The following TMTC3 variants were observed in gnomAD, a reference collection of about 807,000 sequenced individuals.
The protein encoded by TMTC3 is protein O-mannosyl-transferase TMTC3.
TMTC3 carries 52 observed loss-of-function variants against 92.2 expected under a neutral mutation model. That is an observed-to-expected ratio of 0.56 (90% confidence interval 0.45 to 0.71). TMTC3 has a LOEUF of 0.71. Among genes scored for constraint, TMTC3 ranks in the 30% least tolerant of loss-of-function variants. TMTC3 has a pLI of 0.00. For missense variants in TMTC3, 896 were observed against 1,057.1 expected (o/e 0.85, Z 2.11); for synonymous variants, 339 against 363.3 (o/e 0.93, Z 0.76).
chr12:88,150,789 A>G (rs947783647), intron 2 of TMTC3, among the ~76,000 whole-genome samples: 1 of 152,158 alleles, frequency 6.6e-6, no homozygotes, highest in African/African-American at 2.4e-5. Context: ...AGCCTAGAAG[A>G]TACGTGTCCA....
intron 10 of TMTC3, among the ~76,000 whole-genome samples, chr12:88,177,374 A>G (rs1038836050): frequency 6.6e-6 from 1 of 152,102 alleles, no homozygotes; most frequent in Non-Finnish European, 1.5e-5. Flanking sequence ...CTTTTTAGCT[A>G]TAATAGTGAT....
rs1320787657 is a variant in TMTC3 at position 88,197,330 on chromosome 12, T to G, written c.*1681T>G. The stretch of plus-strand genomic sequence containing the variant: ...TGATACCAGTGGGAGTTGGTCTTGA[T>G]CTAGGAGATTCTGTTAAGCATCCAA... On this transcript the variant is annotated 3_prime_UTR_variant, in exon 14 of 14. Transcript: ENST00000266712. 2 of 150,262 alleles carry G rather than the reference T, an allele frequency of 1.3e-5. No homozygotes were observed. The highest frequency in any genetic ancestry group is 4.9e-5 in the African/African-American group (2 of 40,712). 9.3% of individuals were successfully genotyped at this position (150,262 alleles called of 1,614,324 possible). A position where few individuals can be genotyped will look rare whatever the true frequency, so the allele number is the denominator to read the frequency against.
chr12:88,146,754 T>C (rs1213012306), intron 1 of TMTC3, among the ~76,000 whole-genome samples: 1 of 150,834 alleles, frequency 6.6e-6, no homozygotes, highest in African/African-American at 2.4e-5. Context: ...AAATAACTGA[T>C]TAAATTTAGG....
chr12:88,166,353 G>A lies in TMTC3; in HGVS notation c.821G>A (p.Ser274Asn), dbSNP rs1565949081. 6.2e-7 allele frequency: 1 copy of A among 1,613,578 alleles called. No individual in the cohort carries two copies. The highest frequency in any genetic ancestry group is 1.7e-5 in the Admixed American group (1 of 59,964). Reference protein sequence around the residue: ...FTRFDNPAAVSPTPTRQLTFN... With the variant: ...FTRFDNPAAVNPTPTRQLTFN... Reference sequence around the variant, plus strand: ...AGGTTTGATAACCCAGCTGCTGTAAGCCCAACTCCTACAAGGCAACTAACT... The same window carrying A: ...AGGTTTGATAACCCAGCTGCTGTAAACCCAACTCCTACAAGGCAACTAACT... Residue 274 changes from serine (S) to asparagine (N), a missense_variant, in exon 7 of 14, where the codon AGC becomes AAC. Physicochemically the swap from Ser to Asn is conservative, Grantham distance 46. Transcript: ENST00000266712.
At chr12:88,149,410 A>G (rs1311204580) in intron 2 of TMTC3, among the ~76,000 whole-genome samples, 1 of 152,174 alleles carries the variant, frequency 6.6e-6, no homozygotes, top group Non-Finnish European at 1.5e-5. Context: ...CTGATCTGTA[A>G]AAGAGGATAA....
Position 88,195,024 on chromosome 12 carries a change from A to T in TMTC3, c.2120A>T (p.Asn707Ile), listed in dbSNP as rs200374021. 2.5e-6 allele frequency: 4 copies of T among 1,613,860 alleles called. No individual in the cohort carries two copies. Among genetic ancestry groups the T allele is most frequent in the Non-Finnish European group, 8.5e-7 (1 of 1,179,910 alleles). Reference sequence around the variant, plus strand: ...GCCGACTTCCGAAGTGCTTTGTTTAATCTGGCTCTCCTGTATTCCCAGACT... The same window carrying T: ...GCCGACTTCCGAAGTGCTTTGTTTATTCTGGCTCTCCTGTATTCCCAGACT... Reference protein sequence around the residue: ...LQADFRSALFNLALLYSQTAK... With the variant: ...LQADFRSALFILALLYSQTAK... Residue 707 changes from asparagine to isoleucine, a missense_variant, in exon 14 of 14, where the codon AAT becomes ATT. Physicochemically the swap from Asn to Ile is moderately radical, Grantham distance 149. Coordinates refer to ENST00000266712, the MANE Select transcript of TMTC3 (RefSeq NM_181783.4).
chr12:88,153,982 G>A (rs1370956578), intron 3 of TMTC3, among the ~76,000 whole-genome samples: 5 of 151,840 alleles, frequency 3.3e-5, no homozygotes. Context: ...CCATATTTAC[G>A]TGGTTACCAT....
At chr12:88,165,771 T>A (rs1166499778) in intron 6 of TMTC3, among the ~76,000 whole-genome samples, 1 of 152,024 alleles carries the variant, frequency 6.6e-6, no homozygotes, top group Non-Finnish European at 1.5e-5. Flanking sequence ...TACTAGAAAT[T>A]TGGTTTTTAG....
At position 88,153,239 on chromosome 12, in the gene TMTC3, A is replaced by G. The variant is rs1311972772; in HGVS notation, c.190-52A>G. 7 of 1,245,004 alleles carry G rather than the reference A, an allele frequency of 5.6e-6. No homozygotes were observed. The African/African-American group carries it at 9.1e-5, about 16-fold the overall frequency. 77.1% of individuals were successfully genotyped at this position (1,245,004 alleles called of 1,614,324 possible). A position where few individuals can be genotyped will look rare whatever the true frequency, so the allele number is the denominator to read the frequency against. On this transcript the variant is annotated intron_variant, in intron 2 of 13. Coordinates refer to ENST00000266712, the MANE Select transcript of TMTC3 (RefSeq NM_181783.4). ...GGTAAATGCAGTGATGAGCTTTTGT[A>G]CCCTGTTGGACCAAGGTACTTTAAT...
intron 10 of TMTC3, among the ~76,000 whole-genome samples, chr12:88,186,680 T>G (rs1234936400): frequency 6.6e-6 from 1 of 152,194 alleles, no homozygotes; most frequent in African/African-American, 2.4e-5. Context: ...TACCTTTTGT[T>G]AATACTTAAA....
chr12:88,163,936 G>A (rs903087968), intron 6 of TMTC3, among the ~76,000 whole-genome samples: 2 of 152,196 alleles, frequency 1.3e-5, no homozygotes, highest in East Asian at 3.9e-4. Context: ...GGTGGCTCAC[G>A]CCTGTAATCC....
At position 88,195,377 on chromosome 12, in the gene TMTC3, G is replaced by T. The variant is rs1297688293; in HGVS notation, c.2473G>T (p.Glu825Ter). 1 of 1,613,814 alleles carries T rather than the reference G, an allele frequency of 6.2e-7. No individual in the cohort carries two copies. The highest frequency in any genetic ancestry group is 1.7e-5 in the Admixed American group (1 of 59,980). The change falls in exon 14 of 14, where the codon GAG (glutamate) becomes TAG (stop). Residue 825 changes from glutamate to a stop codon, truncating the protein, a stop_gained. Coordinates refer to ENST00000266712, the MANE Select transcript of TMTC3 (RefSeq NM_181783.4). LOFTEE classifies it high-confidence loss of function. ...RDKISSSSFI[E>*]PIFPTSKISS... The stretch of plus-strand genomic sequence containing the variant: ...TAAGATTTCCTCATCTAGTTTTATA[G>T]AGCCAATATTCCCAACCAGTAAGAT...
chr12:88,156,518 G>C (rs2041011349), intron 4 of TMTC3, among the ~76,000 whole-genome samples: 1 of 152,104 alleles, frequency 6.6e-6, no homozygotes, highest in East Asian at 1.9e-4. Context: ...TTACTGCCTA[G>C]GAGTGATTGG....
In TMTC3 at chr12:88,195,582, TTGAG is replaced by T; in HGVS notation, c.2679_2682del (p.Glu894ArgfsTer7). On this transcript the variant is annotated frameshift_variant, in exon 14 of 14. Transcript: ENST00000266712. LOFTEE classifies it high-confidence loss of function. ...AAAACAACAAAAGACATCAAAGAAA[TTGAG>T]AAGAAAAGAGTTGCTGCTTTAAAAA... 5.0e-6 allele frequency: 8 copies of T among 1,606,596 alleles called. No homozygotes were observed. The highest frequency in any genetic ancestry group is 5.9e-6 in the Non-Finnish European group (7 of 1,178,154).
At chr12:88,159,693 T>A (rs2041053675) in intron 4 of TMTC3, among the ~76,000 whole-genome samples, 1 of 152,084 alleles carries the variant, frequency 6.6e-6, no homozygotes, top group African/African-American at 2.4e-5. Context: ...GTACCCTACT[T>A]TTCCCAATAC....
chr12:88,176,262 G>A lies in TMTC3; in HGVS notation c.1375G>A (p.Glu459Lys), dbSNP rs752669509. 3.1e-6 allele frequency: 5 copies of A among 1,612,306 alleles called. No homozygotes were observed. In the South Asian group the frequency reaches 4.4e-5, roughly 14 times the overall value. Residue 459 changes from glutamate (E) to lysine (K), a missense_variant, in exon 10 of 14, where the codon GAA becomes AAA. Glu to Lys is a moderately conservative substitution (Grantham distance 56). Coordinates refer to ENST00000266712, the MANE Select transcript of TMTC3 (RefSeq NM_181783.4). Reference sequence around the variant, plus strand: ...TAATGTGGGTCATGCTCTGGAAAATGAAAAGAACTTTGAGAGAGCTTTGAA... The same window carrying A: ...TAATGTGGGTCATGCTCTGGAAAATAAAAAGAACTTTGAGAGAGCTTTGAA... ...WNNVGHALEN[E>K]KNFERALKYF...
chr12:88,157,471 C>A (rs1054014603), intron 4 of TMTC3, among the ~76,000 whole-genome samples: 1 of 151,906 alleles, frequency 6.6e-6, no homozygotes, highest in Non-Finnish European at 1.5e-5. Context: ...CTTTGGGTTT[C>A]TGCTTAAATA....
intron 1 of TMTC3, among the ~76,000 whole-genome samples, chr12:88,147,961 T>A (rs1220324221): frequency 6.6e-6 from 1 of 152,162 alleles, no homozygotes; most frequent in Admixed American, 6.5e-5. Context: ...TTCAATATGC[T>A]GCCTTTTCCC....
chr12:88,186,676 T>G (rs1031675162), intron 10 of TMTC3, among the ~76,000 whole-genome samples: 12 of 152,196 alleles, frequency 7.9e-5, no homozygotes, highest in African/African-American at 2.2e-4. Flanking sequence ...TTCTTACCTT[T>G]TGTTAATACT....
Sources: gnomAD v4.1 joint callset for allele counts (sites outside exome capture counted in the v4.1 genomes callset) on GRCh38, gnomAD v4.1.1 for gene constraint, MANE v1.5 for transcripts, NCBI Gene and HGNC (gene_info 2026-07-23, HGNC 2026-07-21) for gene names.